OPCML: variants seen among roughly 807,000 people sequenced by gnomAD.
The protein encoded by OPCML is opioid binding protein/cell adhesion molecule like, also known as opioid-binding protein/cell adhesion molecule.
A neutral mutation model predicts 37.8 loss-of-function variants in OPCML; 13 were observed. That is an observed-to-expected ratio of 0.34 (90% confidence interval 0.22 to 0.55). OPCML has a LOEUF of 0.55. Among genes scored for constraint, OPCML ranks in the 20% least tolerant of loss-of-function variants. The pLI is 0.91. For missense variants in OPCML, 341 were observed against 435.6 expected (o/e 0.78, Z 1.93); for synonymous variants, 176 against 168.8 (o/e 1.04, Z -0.33).
intron 1 of OPCML, among the ~76,000 whole-genome samples, chr11:133,348,451 G>A (rs1944051582): frequency 6.6e-6 from 1 of 152,190 alleles, no homozygotes; most frequent in Non-Finnish European, 1.5e-5. Context: ...AATCCATGTA[G>A]TAACTACAGG....
chr11:133,307,588 A>G (rs925937254), intron 1 of OPCML, among the ~76,000 whole-genome samples: 31 of 152,292 alleles, frequency 2.0e-4, no homozygotes, highest in African/African-American at 7.2e-4. Context: ...GACTCAGGTC[A>G]AACATCAGCT....
At chr11:132,769,240 G>T (rs1281846054) in intron 2 of OPCML, among the ~76,000 whole-genome samples, 10 of 146,542 alleles carry the variant, frequency 6.8e-5, no homozygotes, top group Non-Finnish European at 7.5e-5. Flanking sequence ...TGGTTTGTTT[G>T]TTGTTTTTTT....
intron 3 of OPCML, among the ~76,000 whole-genome samples, chr11:132,584,313 A>G (rs552988497): frequency 3.9e-5 from 6 of 152,252 alleles, no homozygotes; most frequent in African/African-American, 1.2e-4. Flanking sequence ...TTTTTTATTA[A>G]AAAGGAGACC....
At chr11:133,157,917 G>C (rs941534912) in intron 1 of OPCML, among the ~76,000 whole-genome samples, 2 of 152,160 alleles carry the variant, frequency 1.3e-5, no homozygotes, top group African/African-American at 4.8e-5. Flanking sequence ...CTTGCCCCGG[G>C]GGGCACTGGT....
chr11:133,125,414 A>C (rs1352056701), intron 1 of OPCML, among the ~76,000 whole-genome samples: 2 of 151,940 alleles, frequency 1.3e-5, no homozygotes, highest in African/African-American at 4.8e-5. Flanking sequence ...TGCATCAGCT[A>C]CGTATTCATG....
chr11:132,620,753 C>G (rs1026675001), intron 3 of OPCML, among the ~76,000 whole-genome samples: 3 of 152,248 alleles, frequency 2.0e-5, no homozygotes, highest in African/African-American at 7.2e-5. Context: ...ATCTCATGTC[C>G]TGTCTTCCTT....
At chr11:133,371,877 G>A (rs1300638586) in intron 1 of OPCML, among the ~76,000 whole-genome samples, 1 of 152,172 alleles carries the variant, frequency 6.6e-6, no homozygotes, top group Non-Finnish European at 1.5e-5. Context: ...GCAGCAATGT[G>A]GATGGAACTG....
At position 133,205,285 on chromosome 11, in the gene OPCML, C is replaced by A. The variant is rs185512792; in HGVS notation, c.62-262275G>T. Among the ~76,000 whole-genome samples the A allele has an allele frequency of 1.1e-4, 16 of 152,186 alleles. No individual in the cohort carries two copies. The highest frequency in any genetic ancestry group is 3.9e-4 in the Admixed American group (6 of 15,298). ...TTGAGGGTGGTGCTCTGGAAGAGGG[C>A]CTGGAAGCTCTACACCCCTCCCCGC... On this transcript the variant is annotated intron_variant, in intron 1 of 7. Coordinates refer to ENST00000524381, the MANE Select transcript of OPCML (RefSeq NM_001012393.5). The surrounding 1 kb of genome is among the most constrained non-coding windows in gnomAD (Gnocchi z 4.8).
chr11:133,418,730 G>A (rs999707417), intron 1 of OPCML, among the ~76,000 whole-genome samples: 2 of 152,224 alleles, frequency 1.3e-5, no homozygotes, highest in Non-Finnish European at 2.9e-5. Context: ...TTAGAGTTAT[G>A]AGAGGGGCAT....
Position 132,469,948 on chromosome 11 carries a change from TGTGTAC to T in OPCML, c.506-32595_506-32590del, listed in dbSNP as rs141369854. Reference sequence around the variant, plus strand: ...TGTGTGGGGGGAGTGTGTGAGTGTGTGTGTACGTGTATGTGTGTTTGTGGTGGGGGA... The same window carrying T: ...TGTGTGGGGGGAGTGTGTGAGTGTGTGTGTATGTGTGTTTGTGGTGGGGGA... On this transcript the variant is annotated intron_variant, in intron 4 of 7. Coordinates refer to ENST00000524381, the MANE Select transcript of OPCML (RefSeq NM_001012393.5). 1.9e-3 allele frequency among the ~76,000 whole-genome samples: 283 copies of T among 150,674 alleles called. 6 individuals are homozygous for T. In the East Asian group the frequency reaches 0.053, roughly 28 times the overall value.
At chr11:133,385,348 G>T (rs374315410) in intron 1 of OPCML, among the ~76,000 whole-genome samples, 6 of 152,234 alleles carry the variant, frequency 3.9e-5, no homozygotes, top group African/African-American at 1.4e-4. Flanking sequence ...CTGTGAGATA[G>T]TAAGTGTTTG....
At chr11:132,657,428 A>C (rs1941763682) in intron 2 of OPCML, 109 bp from the exon 3 acceptor site, 1 of 1,465,828 alleles carries the variant, frequency 6.8e-7, no homozygotes, top group African/African-American at 1.4e-5. Flanking sequence ...TAAATGAAAC[A>C]ACAAAACACA....
chr11:132,462,648 T>C (rs968176452), intron 4 of OPCML, among the ~76,000 whole-genome samples: 3 of 152,198 alleles, frequency 2.0e-5, no homozygotes, highest in Admixed American at 6.5e-5. Context: ...AAATGCAAGC[T>C]CAATTACATT....
intron 3 of OPCML, among the ~76,000 whole-genome samples, chr11:132,631,545 C>T (rs906139613): frequency 8.0e-5 from 12 of 150,888 alleles, no homozygotes; most frequent in East Asian, 3.9e-4. Flanking sequence ...CTGCAAGCTC[C>T]GCCTCCCGGG....
At chr11:132,427,766 C>A (rs992982517) in intron 7 of OPCML, among the ~76,000 whole-genome samples, 1 of 152,178 alleles carries the variant, frequency 6.6e-6, no homozygotes, top group African/African-American at 2.4e-5. Context: ...ATGTTAAATT[C>A]TAAATGCTCA....
chr11:132,475,177 A>C (rs1253835499), intron 4 of OPCML, among the ~76,000 whole-genome samples: 3 of 152,140 alleles, frequency 2.0e-5, no homozygotes, highest in African/African-American at 7.2e-5. Context: ...ATAAGCCCCC[A>C]CTAAGACCTA....
At chr11:132,724,488 G>C (rs952805944) in intron 2 of OPCML, among the ~76,000 whole-genome samples, 4 of 152,038 alleles carry the variant, frequency 2.6e-5, no homozygotes, top group African/African-American at 9.7e-5. Context: ...CCCACAACAA[G>C]TTGGAATTTG....
intron 1 of OPCML, among the ~76,000 whole-genome samples, chr11:133,021,864 A>T (rs1947462658): frequency 6.6e-6 from 1 of 152,254 alleles, no homozygotes; most frequent in Non-Finnish European, 1.5e-5. Context: ...GTGACACGGC[A>T]GTGTGCTGAG....
At chr11:133,002,319 A>C (rs896630060) in intron 1 of OPCML, among the ~76,000 whole-genome samples, 1 of 152,144 alleles carries the variant, frequency 6.6e-6, no homozygotes, top group Non-Finnish European at 1.5e-5. Context: ...GCAAGACTAG[A>C]CTTTCATTCC....
Sources: gnomAD v4.1 joint callset for allele counts (sites outside exome capture counted in the v4.1 genomes callset) on GRCh38, gnomAD v4.1.1 for gene constraint, Gnocchi (gnomAD v3.1) non-coding constraint, MANE v1.5 for transcripts, NCBI Gene and HGNC (gene_info 2026-07-23, HGNC 2026-07-21) for gene names.